The following FAM171A1 variants were observed in gnomAD, a reference collection of about 807,000 sequenced individuals.
FAM171A1 encodes the protein protein FAM171A1.
Under a neutral mutation model 74.9 loss-of-function variants are expected in FAM171A1, and 23 were observed. That is an observed-to-expected ratio of 0.31 (90% confidence interval 0.22 to 0.44). FAM171A1 has a LOEUF of 0.44. FAM171A1 is among the 20% of genes least tolerant of loss of function. The pLI is 1.00. For missense variants in FAM171A1, 1,162 were observed against 1,159.2 expected, an observed-to-expected ratio of 1.00 and a Z score of -0.03; for synonymous variants, 527 against 505.7, an observed-to-expected ratio of 1.04 and a Z score of -0.57.
At chr10:15,254,975 C>A in intron 3 of FAM171A1, 96 bp from the exon 4 acceptor site, 2 of 1,101,994 alleles carry the variant, frequency 1.8e-6, no homozygotes, top group Non-Finnish European at 2.6e-6. Context: ...TTTCAGCACG[C>A]CTCCCCCACC....
At chr10:15,247,436 C>G (rs1055949149) in intron 5 of FAM171A1, among the ~76,000 whole-genome samples, 4 of 151,944 alleles carry the variant, frequency 2.6e-5, no homozygotes, top group Non-Finnish European at 5.9e-5. Context: ...TGCACCCAAA[C>G]AGTACCCAGC....
Position 15,355,518 on chromosome 10 carries a change from T to C in FAM171A1, c.97+15438A>G, listed in dbSNP as rs185820977. On this transcript the variant is annotated intron_variant, in intron 1 of 7. Transcript: ENST00000378116. ...AGATCACCTGAGGTCAGGAGTTTGATACCAGCCTGGCCAACTTGGTGAAAC... is the reference window on the plus strand; with the variant it reads ...AGATCACCTGAGGTCAGGAGTTTGACACCAGCCTGGCCAACTTGGTGAAAC... Among the ~76,000 whole-genome samples, 614 of 152,160 alleles carry C rather than the reference T, an allele frequency of 4.0e-3. 2 individuals are homozygous for C. Among genetic ancestry groups the C allele is most frequent in the African/African-American group, 0.014 (588 of 41,520 alleles).
chr10:15,347,018 T>C (rs1049352696), intron 1 of FAM171A1, among the ~76,000 whole-genome samples: 5 of 152,194 alleles, frequency 3.3e-5, no homozygotes, highest in African/African-American at 1.2e-4. Flanking sequence ...CTACGTCAAC[T>C]GTAGTAAAAG....
At chr10:15,221,250 AG>A (rs1279012610) in intron 5 of FAM171A1, among the ~76,000 whole-genome samples, 190 bp from the exon 6 acceptor site, 1 of 152,228 alleles carries the variant, frequency 6.6e-6, no homozygotes. Context: ...ATTTCCTTTC[AG>A]GGAAAGATAA....
intron 1 of FAM171A1, among the ~76,000 whole-genome samples, chr10:15,292,518 T>C (rs538482383): frequency 1.3e-5 from 2 of 152,310 alleles, no homozygotes; most frequent in East Asian, 3.9e-4. Context: ...TCTGGCTCTA[T>C]TACCCAGGCT....
chr10:15,322,095 G>A (rs573162335), intron 1 of FAM171A1, among the ~76,000 whole-genome samples: 4 of 152,284 alleles, frequency 2.6e-5, no homozygotes, highest in Admixed American at 6.5e-5. Context: ...CCTCAGGCCC[G>A]ATACAAGCAT....
At position 15,287,192 on chromosome 10, in the gene FAM171A1, C is replaced by T. The variant is rs540588892; in HGVS notation, c.98-3087G>A. Reference sequence around the variant, plus strand: ...CCGTAAGCTTCGCCTCCCGGGTTCACGCCATTCTCCTGCCTCAGCCTCCCG... The same window carrying T: ...CCGTAAGCTTCGCCTCCCGGGTTCATGCCATTCTCCTGCCTCAGCCTCCCG... On this transcript the variant is annotated intron_variant, in intron 1 of 7. Transcript: ENST00000378116. 3.8e-3 allele frequency among the ~76,000 whole-genome samples: 549 copies of T among 144,178 alleles called. 2 individuals are homozygous for T. The highest frequency in any genetic ancestry group is 6.3e-3 in the Non-Finnish European group (422 of 66,970). 94.6% of individuals were successfully genotyped at this position (144,178 alleles called of 152,430 possible).
intron 1 of FAM171A1, among the ~76,000 whole-genome samples, chr10:15,346,741 A>G (rs1156622208): frequency 6.6e-6 from 1 of 152,218 alleles, no homozygotes; most frequent in African/African-American, 2.4e-5. Flanking sequence ...ATTTAAAGAC[A>G]CAGAACAAAA....
intron 1 of FAM171A1, among the ~76,000 whole-genome samples, chr10:15,325,287 G>C (rs1279968608): frequency 6.6e-6 from 1 of 152,190 alleles, no homozygotes; most frequent in African/African-American, 2.4e-5. Flanking sequence ...CTTGAGCCCA[G>C]GAGTTCGAGA....
At chr10:15,289,783 T>C (rs1159001732) in intron 1 of FAM171A1, among the ~76,000 whole-genome samples, 4 of 152,254 alleles carry the variant, frequency 2.6e-5, no homozygotes, top group Non-Finnish European at 4.4e-5. Flanking sequence ...ATGAAAATTA[T>C]CTGCAATTTA....
chr10:15,248,865 G>C, intron 4 of FAM171A1, 50 bp from the exon 5 acceptor site: 3 of 1,539,154 alleles, frequency 1.9e-6, no homozygotes, highest in Non-Finnish European at 2.6e-6. Flanking sequence ...TACCCATGTG[G>C]GGCTGTGGAA....
rs534426079 is a variant in FAM171A1 at position 15,343,793 on chromosome 10, G to C, written c.97+27163C>G. On this transcript the variant is annotated intron_variant, in intron 1 of 7. Transcript: ENST00000378116. ...AACCTGGGCCCTCCAGCCTGGACGA[G>C]AGAGCAAGATCCATCTCTCAAAATA... Among the ~76,000 whole-genome samples, 538 of 151,882 alleles carry C rather than the reference G, an allele frequency of 3.5e-3. 14 individuals carry two copies. Among genetic ancestry groups the C allele is most frequent in the Non-Finnish European group, 3.0e-3 (204 of 67,962 alleles).
rs185286113 is a variant in FAM171A1 at position 15,251,552 on chromosome 10, A to G, written c.578-2737T>C. Among the ~76,000 whole-genome samples, 44 of 151,514 alleles carry G rather than the reference A, an allele frequency of 2.9e-4. No individual in the cohort carries two copies. In the East Asian group the frequency reaches 7.0e-3, roughly 24 times the overall value. ...TGAGTAGCTGGGACAACAGGCACAC[A>G]CCACCACTCCTTGCTAATTTTTTTT... On this transcript the variant is annotated intron_variant, in intron 4 of 7. Coordinates refer to ENST00000378116, the MANE Select transcript of FAM171A1 (RefSeq NM_001010924.2).
intron 1 of FAM171A1, among the ~76,000 whole-genome samples, chr10:15,351,291 T>C (rs1835873553): frequency 6.6e-6 from 1 of 152,186 alleles, no homozygotes; most frequent in African/African-American, 2.4e-5. Flanking sequence ...GAATCATGAC[T>C]GAACCCGAGT....
At position 15,258,697 on chromosome 10, in the gene FAM171A1, C is replaced by T. The variant is rs557490155; in HGVS notation, c.419-3818G>A. 1.4e-4 allele frequency among the ~76,000 whole-genome samples: 21 copies of T among 152,324 alleles called. No homozygotes were observed. In the East Asian group the frequency reaches 1.5e-3, roughly 11 times the overall value. On this transcript the variant is annotated intron_variant, in intron 3 of 7. Coordinates refer to ENST00000378116, the MANE Select transcript of FAM171A1 (RefSeq NM_001010924.2). ...ACCACAGCTCAGCCTCCATCCTCGT[C>T]GACCTCTTCACAATGGTTGACACTG...
At chr10:15,282,253 T>C (rs1475660052) in intron 2 of FAM171A1, among the ~76,000 whole-genome samples, 1 of 152,088 alleles carries the variant, frequency 6.6e-6, no homozygotes, top group East Asian at 1.9e-4. Context: ...TGACCCCTAG[T>C]GTAGTGCTGT....
rs371232616 is a variant in FAM171A1, at chr10:15,310,530, A to G, written c.98-26425T>C. On this transcript the variant is annotated intron_variant, in intron 1 of 7. Transcript: ENST00000378116. ...AACCCAATACCAAATGTTCTCTCCAACTGACCCGTCTTTAAAACGAAAACT... is the reference window on the plus strand; with the variant it reads ...AACCCAATACCAAATGTTCTCTCCAGCTGACCCGTCTTTAAAACGAAAACT... Among the ~76,000 whole-genome samples, 38 of 152,188 alleles carry G rather than the reference A, an allele frequency of 2.5e-4. 1 individual carries two copies. The highest frequency in any genetic ancestry group is 8.7e-4 in the African/African-American group (36 of 41,544).
intron 1 of FAM171A1, among the ~76,000 whole-genome samples, chr10:15,348,027 G>T (rs1008355324): frequency 2.6e-5 from 4 of 151,994 alleles, no homozygotes; most frequent in Non-Finnish European, 5.9e-5. Flanking sequence ...ACCCAGGCTG[G>T]AGTGCAATGG....
At chr10:15,335,613 C>T (rs537430258) in intron 1 of FAM171A1, among the ~76,000 whole-genome samples, 39 of 152,224 alleles carry the variant, frequency 2.6e-4, no homozygotes, top group Middle Eastern at 3.4e-3. Context: ...GCAATAATGT[C>T]GAGATTTGAC....
Sources: allele counts gnomAD v4.1 joint callset (sites outside exome capture counted in the v4.1 genomes callset), GRCh38; gene constraint gnomAD v4.1.1; transcripts MANE v1.5; gene names NCBI Gene and HGNC (gene_info 2026-07-23, HGNC 2026-07-21).